The following ABCA13 variants were observed in gnomAD, a reference collection of about 807,000 sequenced individuals.
The protein encoded by ABCA13 is ATP binding cassette subfamily A member 13.
A neutral mutation model predicts 478.7 loss-of-function variants in ABCA13; 476 were observed. The observed-to-expected ratio is 0.99, with a 90% CI of 0.92 to 1.07. The LOEUF is 1.07. ABCA13 is among the 50% of genes least tolerant of loss of function. The pLI, the probability that ABCA13 is intolerant of heterozygous loss-of-function variation, is 0.00. For synonymous variants in ABCA13, 2,252 were observed against 2,158.9 expected (o/e 1.04, Z -1.20); for missense variants, 6,060 against 5,910.6 (o/e 1.03, Z -0.83).
chr7:48,389,128 C>T lies in ABCA13; in HGVS notation c.11562C>T (p.His3854=). The T allele has an allele frequency of 6.2e-7, 1 of 1,613,968 alleles. No homozygotes were observed. The highest frequency in any genetic ancestry group is 8.5e-7 in the Non-Finnish European group (1 of 1,179,866). Reference sequence around the variant, plus strand: ...CTGTGACCAAGGAATATGAGGGCCACAAGGCTGTGGTCCAAGACCTCAGCC... The same window carrying T: ...CTGTGACCAAGGAATATGAGGGCCATAAGGCTGTGGTCCAAGACCTCAGCC... ...LVSVTKEYEG[H]KAVVQDLSLT... Residue 3854 remains histidine (H), a synonymous_variant, in exon 37 of 62, where the codon CAC becomes CAT. Coordinates refer to ENST00000435803, the MANE Select transcript of ABCA13 (RefSeq NM_152701.5).
intron 1 of ABCA13, among the ~76,000 whole-genome samples, chr7:48,178,731 T>C (rs1384272576): frequency 5.4e-5 from 8 of 147,934 alleles, no homozygotes; most frequent in African/African-American, 1.7e-4. Flanking sequence ...AAAAAAAGAA[T>C]GTGAGATTAT....
rs951820172 is a variant in ABCA13, at chr7:48,435,409, G to A, written c.12565+7538G>A. Among the ~76,000 whole-genome samples the A allele has an allele frequency of 2.6e-5, 4 of 151,782 alleles. No homozygotes were observed. The South Asian group carries it at 6.2e-4, about 24-fold the overall frequency. ...GAGTACTAACATTTTGTGTTTATGT[G>A]TATGTATGTGTATTTTTTAGAGTTT... On this transcript the variant is annotated intron_variant, in intron 42 of 61. Transcript: ENST00000435803.
At chr7:48,462,898 G>A (rs1826419767) in intron 43 of ABCA13, among the ~76,000 whole-genome samples, 1 of 152,154 alleles carries the variant, frequency 6.6e-6, no homozygotes, top group South Asian at 2.1e-4. Context: ...CACATCTCAT[G>A]TTAGGGTCTT....
chr7:48,629,046 A>G (rs1793926444), intron 59 of ABCA13, among the ~76,000 whole-genome samples: 1 of 152,218 alleles, frequency 6.6e-6, no homozygotes, highest in African/African-American at 2.4e-5. Flanking sequence ...AACAGTCTGC[A>G]TTATTCATGA....
chr7:48,450,003 G>A (rs1029253000), intron 42 of ABCA13, among the ~76,000 whole-genome samples: 3 of 152,148 alleles, frequency 2.0e-5, no homozygotes, highest in Admixed American at 6.5e-5. Flanking sequence ...TGCTGTTCAG[G>A]TTTCACTGAC....
At position 48,338,397 on chromosome 7, in the gene ABCA13, T is replaced by C. The variant is rs765322212; in HGVS notation, c.10146T>C (p.Phe3382=). 39 of 1,602,636 alleles carry C rather than the reference T, an allele frequency of 2.4e-5. No individual in the cohort carries two copies. In the East Asian group the frequency reaches 3.4e-4, roughly 14 times the overall value. The stretch of plus-strand genomic sequence containing the variant: ...TGAGAAACAAATTTGTAAGAAACTT[T>C]GTAGAAAACCAGTTGCACATTGATG... ...EALRNKFVRN[F]VENQLHIDVD... is the part of the protein sequence containing the mutation. The change falls in exon 29 of 62, where the codon TTT becomes TTC. Residue 3382 remains phenylalanine (F), a synonymous_variant. Transcript: ENST00000435803.
intron 51 of ABCA13, among the ~76,000 whole-genome samples, chr7:48,513,101 C>T (rs2130919233): frequency 6.6e-6 from 1 of 152,300 alleles, no homozygotes; most frequent in African/African-American, 2.4e-5. Flanking sequence ...TGGGGAACTG[C>T]TGTCTCCTGT....
At chr7:48,396,959 G>T (rs1454618174) in intron 38 of ABCA13, among the ~76,000 whole-genome samples, 1 of 152,184 alleles carries the variant, frequency 6.6e-6, no homozygotes, top group Non-Finnish European at 1.5e-5. Context: ...TTCTTTTGGA[G>T]ATACGAAACA....
chr7:48,432,053 C>T (rs957425562), intron 42 of ABCA13, among the ~76,000 whole-genome samples: 1 of 152,078 alleles, frequency 6.6e-6, no homozygotes, highest in East Asian at 1.9e-4. Flanking sequence ...GCACGTTGTG[C>T]ACATGTACCC....
chr7:48,273,114 T>A lies in ABCA13; in HGVS notation c.3448T>A (p.Trp1150Arg), dbSNP rs984471361. 2 of 1,613,766 alleles carry A rather than the reference T, an allele frequency of 1.2e-6. No homozygotes were observed. The highest frequency in any genetic ancestry group is 3.3e-5 in the Admixed American group (2 of 60,006). ...TATGTCCATTCACTGTACCGTTTCA[T>A]GGCTTCAAATGTGGACTGAAATCTG... ...KFMSIHCTVS[W>R]LQMWTEIWET... The change falls in exon 17 of 62, where the codon TGG (tryptophan) becomes AGG (arginine). Residue 1150 changes from tryptophan (W) to arginine (R), a missense_variant. Trp to Arg is a moderately radical substitution (Grantham distance 101). Transcript: ENST00000435803.
At chr7:48,421,939 C>G (rs989401999) in intron 41 of ABCA13, among the ~76,000 whole-genome samples, 13 of 151,084 alleles carry the variant, frequency 8.6e-5, no homozygotes, top group African/African-American at 3.2e-4. Flanking sequence ...TGCAGCTCAT[C>G]TTCCAAGGCC....
intron 45 of ABCA13, among the ~76,000 whole-genome samples, chr7:48,475,152 G>A (rs996335513): frequency 1.3e-5 from 2 of 152,062 alleles, no homozygotes; most frequent in Non-Finnish European, 1.5e-5. Context: ...AGTGTGTTTC[G>A]GGATGCACTT....
At chr7:48,396,418 C>A (rs1032902768) in intron 38 of ABCA13, among the ~76,000 whole-genome samples, 20 of 152,240 alleles carry the variant, frequency 1.3e-4, no homozygotes, top group African/African-American at 4.8e-4. Flanking sequence ...TGAGTGATCT[C>A]ATTCAAGTGT....
intron 47 of ABCA13, among the ~76,000 whole-genome samples, chr7:48,485,053 C>T (rs1233424336): frequency 6.6e-6 from 1 of 152,154 alleles, no homozygotes; most frequent in Non-Finnish European, 1.5e-5. Flanking sequence ...TAGAATGTCT[C>T]TTGTGTGACC....
intron 27 of ABCA13, among the ~76,000 whole-genome samples, chr7:48,321,837 G>A (rs1378708240): frequency 1.3e-5 from 2 of 152,158 alleles, no homozygotes; most frequent in Non-Finnish European, 2.9e-5. Flanking sequence ...ATGTGGGCTG[G>A]GCAGGCCAGG....
At position 48,471,603 on chromosome 7, in the gene ABCA13, G is replaced by C; in HGVS notation, c.12975+4G>C. On this transcript the variant is annotated splice_donor_region_variant and intron_variant, in intron 45 of 61. Coordinates refer to ENST00000435803, the MANE Select transcript of ABCA13 (RefSeq NM_152701.5). ...CCAGGATTCATGTGGCTGCCTGGTA[G>C]GTTTCTGCAGCATTTTTGATCTTTT... The C allele has an allele frequency of 6.4e-7, 1 of 1,557,960 alleles. No homozygotes were observed. Among genetic ancestry groups the C allele is most frequent in the Non-Finnish European group, 8.7e-7 (1 of 1,149,514 alleles).
intron 55 of ABCA13, among the ~76,000 whole-genome samples, chr7:48,546,552 G>A (rs1226412798): frequency 3.4e-5 from 5 of 148,548 alleles, no homozygotes; most frequent in Non-Finnish European, 5.9e-5. Flanking sequence ...AATAATAAAC[G>A]GGATATAAAC....
chr7:48,524,919 A>AT (rs1176731866), intron 54 of ABCA13, among the ~76,000 whole-genome samples: 3 of 152,202 alleles, frequency 2.0e-5, no homozygotes, highest in African/African-American at 7.2e-5. Flanking sequence ...ATAATGTTTA[A>AT]TCAGAACTGA....
rs762365862 is a variant in ABCA13, at chr7:48,171,496, G to A, written c.13G>A (p.Gly5Arg). The A allele has an allele frequency of 2.5e-5, 38 of 1,536,036 alleles. 1 individual carries two copies. The highest frequency in any genetic ancestry group is 1.7e-4 in the South Asian group (14 of 84,004). The change falls in exon 1 of 62, where the codon GGG becomes AGG. Residue 5 changes from glycine (G) to arginine (R), a missense_variant. Physicochemically the swap from Gly to Arg is moderately radical, Grantham distance 125 (BLOSUM62 -2). Coordinates refer to ENST00000435803, the MANE Select transcript of ABCA13 (RefSeq NM_152701.5). MGHAGCQFKALLWKN... is the reference protein window; with the variant it reads MGHARCQFKALLWKN... ...GGGAGCAGCAGGCATGGGGCATGCC[G>A]GGTGCCAGTTCAAAGCCCTGCTGTG...
Sources: gnomAD v4.1 joint callset for allele counts (sites outside exome capture counted in the v4.1 genomes callset) on GRCh38, gnomAD v4.1.1 for gene constraint, MANE v1.5 for transcripts, NCBI Gene and HGNC (gene_info 2026-07-23, HGNC 2026-07-21) for gene names.